Variants in PARP8 observed in about 807,000 individuals in gnomAD.
PARP8 encodes the protein poly(ADP-ribose) polymerase family member 8, also known as protein mono-ADP-ribosyltransferase PARP8.
Under a neutral mutation model 124.1 loss-of-function variants are expected in PARP8, and 51 were observed. The observed-to-expected ratio is 0.41, with a 90% confidence interval of 0.33 to 0.52. PARP8 has a LOEUF of 0.52. Ranked by LOEUF, PARP8 falls within the 20% of genes least tolerant of loss-of-function variation. The pLI is 0.21. For missense variants in PARP8, 860 were observed against 1,018.9 expected (o/e 0.84, Z 2.12); for synonymous variants, 391 against 361.5 (o/e 1.08, Z -0.93).
chr5:50,667,472 C>T (rs759677553), intron 1 of PARP8: 40 of 700,044 alleles, frequency 5.7e-5, no homozygotes, highest in Non-Finnish European at 8.3e-5. Flanking sequence ...GTATTTCCAG[C>T]CCCGCGTAGT....
chr5:50,757,461 T>A (rs1233972627), intron 3 of PARP8, among the ~76,000 whole-genome samples: 2 of 152,182 alleles, frequency 1.3e-5, no homozygotes, highest in South Asian at 4.1e-4. Context: ...TGTGATCTGA[T>A]CTGGCCTATT....
intron 2 of PARP8, among the ~76,000 whole-genome samples, chr5:50,717,949 A>G (rs903393358): frequency 5.3e-5 from 8 of 151,856 alleles, no homozygotes; most frequent in African/African-American, 1.9e-4. Context: ...TTAAAAGGAA[A>G]ATGGAAACTA....
At chr5:50,773,728 G>T (rs775652644) in intron 7 of PARP8, among the ~76,000 whole-genome samples, 1 of 151,900 alleles carries the variant, frequency 6.6e-6, no homozygotes, top group African/African-American at 2.4e-5. Context: ...CATTGAATCT[G>T]TAGGTTGCTT....
intron 14 of PARP8, among the ~76,000 whole-genome samples, chr5:50,806,636 A>G (rs1743874248): frequency 6.6e-6 from 1 of 152,042 alleles, no homozygotes; most frequent in African/African-American, 2.4e-5. Context: ...AAATAGTAAG[A>G]TAAGTGACAT....
At chr5:50,743,001 G>A (rs1758202561) in intron 2 of PARP8, among the ~76,000 whole-genome samples, 1 of 152,180 alleles carries the variant, frequency 6.6e-6, no homozygotes, top group Non-Finnish European at 1.5e-5. Context: ...GATGTTAGAA[G>A]TAAGAGGAAA....
chr5:50,814,430 C>T (rs1744854601), intron 14 of PARP8, among the ~76,000 whole-genome samples: 1 of 152,116 alleles, frequency 6.6e-6, no homozygotes, highest in Admixed American at 6.6e-5. Context: ...TCTCTACTTT[C>T]TCTCATGGTT....
chr5:50,753,576 T>G (rs976909669), intron 3 of PARP8, among the ~76,000 whole-genome samples: 6 of 152,196 alleles, frequency 3.9e-5, no homozygotes, highest in African/African-American at 1.2e-4. Context: ...TCAGGCAGAT[T>G]CAAGTTTTAC....
intron 25 of PARP8, 123 bp from the exon 26 acceptor site, chr5:50,841,843 C>G: frequency 1.6e-6 from 1 of 614,932 alleles, no homozygotes; most frequent in Non-Finnish European, 2.7e-6. Context: ...ACCTGAAAAA[C>G]AACCGTATAA....
intron 10 of PARP8, among the ~76,000 whole-genome samples, chr5:50,789,289 G>C (rs1182226833): frequency 6.6e-6 from 1 of 151,902 alleles, no homozygotes; most frequent in Non-Finnish European, 1.5e-5. Flanking sequence ...GGATACAATG[G>C]CACTAGAAAG....
intron 2 of PARP8, among the ~76,000 whole-genome samples, chr5:50,730,953 C>T (rs147734945): frequency 5.1e-4 from 78 of 152,220 alleles, no homozygotes; most frequent in Non-Finnish European, 7.6e-4. Flanking sequence ...AACTTTACAC[C>T]GTTGACTGCA....
intron 14 of PARP8, among the ~76,000 whole-genome samples, chr5:50,804,110 G>C (rs1283150415): frequency 6.6e-6 from 1 of 152,128 alleles, no homozygotes; most frequent in Non-Finnish European, 1.5e-5. Flanking sequence ...TAGTCCTTAT[G>C]GACATCTCTT....
intron 2 of PARP8, among the ~76,000 whole-genome samples, chr5:50,715,371 A>AT (rs1455175551): frequency 6.6e-6 from 1 of 152,004 alleles, no homozygotes; most frequent in Admixed American, 6.6e-5. Flanking sequence ...ATTCACCTAT[A>AT]TTTTTATAAC....
chr5:50,806,894 A>T (rs1465997790), intron 14 of PARP8, among the ~76,000 whole-genome samples: 2 of 152,110 alleles, frequency 1.3e-5, no homozygotes, highest in African/African-American at 4.8e-5. Flanking sequence ...TTCATTGACC[A>T]TTATTGAGCC....
In PARP8 at chr5:50,770,600, AAAAG is replaced by A. The variant is rs968279276; in HGVS notation, c.518+7363_518+7366del. On this transcript the variant is annotated intron_variant, in intron 7 of 25. Coordinates refer to ENST00000281631, the MANE Select transcript of PARP8 (RefSeq NM_024615.4). ...AAGAAGGAAAAAAGAAAGAGAAAGA[AAAAG>A]AAAGGAAGGAAGGAAGGAAGGAGGG... Among the ~76,000 whole-genome samples, 44 of 151,960 alleles carry A rather than the reference AAAAG, an allele frequency of 2.9e-4. No individual in the cohort carries two copies. In the East Asian group the frequency reaches 3.1e-3, roughly 11 times the overall value.
At chr5:50,715,546 G>T (rs112814993) in intron 2 of PARP8, among the ~76,000 whole-genome samples, 4 of 151,668 alleles carry the variant, frequency 2.6e-5, no homozygotes, top group African/African-American at 9.7e-5. Context: ...AAATAAAGAT[G>T]ACCAAAATTG....
intron 7 of PARP8, among the ~76,000 whole-genome samples, chr5:50,772,440 A>G (rs1403713893): frequency 6.6e-6 from 1 of 152,152 alleles, no homozygotes; most frequent in Non-Finnish European, 1.5e-5. Flanking sequence ...ATTTTCCATA[A>G]TGGCTATACC....
At position 50,828,432 on chromosome 5, in the gene PARP8, G is replaced by A. The variant is rs200499772; in HGVS notation, c.2163+48G>A. On this transcript the variant is annotated intron_variant, in intron 21 of 25. Transcript: ENST00000281631. ...CAAGACTTCATTCTTCTTCAGAATTGAGATTCAGTAAGCAACCCTGTTGTT... is the reference window on the plus strand; with the variant it reads ...CAAGACTTCATTCTTCTTCAGAATTAAGATTCAGTAAGCAACCCTGTTGTT... The A allele has an allele frequency of 4.5e-5, 68 of 1,523,610 alleles. No individual in the cohort carries two copies. In the East Asian group the frequency reaches 1.5e-3, roughly 34 times the overall value. 94.4% of individuals were successfully genotyped at this position (1,523,610 alleles called of 1,614,324 possible). A position where few individuals can be genotyped will look rare whatever the true frequency, so the allele number is the denominator to read the frequency against.
At chr5:50,826,655 T>C in intron 18 of PARP8, 100 bp from the exon 19 acceptor site, 2 of 1,403,192 alleles carry the variant, frequency 1.4e-6, no homozygotes, top group Non-Finnish European at 1.9e-6. Context: ...GTTTAGTTTA[T>C]GGCACAGCAA....
At chr5:50,834,465 T>C (rs1747339994) in intron 24 of PARP8, among the ~76,000 whole-genome samples, 1 of 152,192 alleles carries the variant, frequency 6.6e-6, no homozygotes, top group South Asian at 2.1e-4. Flanking sequence ...TATATTATTC[T>C]GTACTGAGGA....
Sources: allele counts gnomAD v4.1 joint callset (sites outside exome capture counted in the v4.1 genomes callset), GRCh38; gene constraint gnomAD v4.1.1; transcripts MANE v1.5; gene names NCBI Gene and HGNC (gene_info 2026-07-23, HGNC 2026-07-21).